The following DGKI variants were observed in gnomAD, a reference collection of about 807,000 sequenced individuals.
DGKI encodes diacylglycerol kinase iota.
A neutral mutation model predicts 147.5 loss-of-function variants in DGKI; 55 were observed. The ratio of observed to expected loss-of-function variants is 0.37; its 90% CI spans 0.30 to 0.47. The LOEUF is 0.47. Among genes scored for constraint, DGKI ranks in the 20% least tolerant of loss-of-function variants. The pLI is 1.00. For missense variants in DGKI, 1,007 were observed against 1,323.8 expected (o/e 0.76, Z 3.71); for synonymous variants, 469 against 477.1 (o/e 0.98, Z 0.22).
chr7:137,617,615 T>C (rs1024321136), intron 8 of DGKI, among the ~76,000 whole-genome samples: 1 of 151,880 alleles, frequency 6.6e-6, no homozygotes, highest in Non-Finnish European at 1.5e-5. Context: ...TCCAGGAAGA[T>C]GGGGTAGATG....
chr7:137,599,132 T>C (rs1819897624), intron 11 of DGKI, among the ~76,000 whole-genome samples: 1 of 152,182 alleles, frequency 6.6e-6, no homozygotes, highest in Admixed American at 6.5e-5. Flanking sequence ...TCCTAGTACA[T>C]GAATTTAAAA....
chr7:137,776,518 A>G (rs371997598), intron 1 of DGKI, among the ~76,000 whole-genome samples: 1 of 152,200 alleles, frequency 6.6e-6, no homozygotes, highest in Non-Finnish European at 1.5e-5. Flanking sequence ...TTATTCATAG[A>G]TGCTTAGAAA....
Position 137,574,559 on chromosome 7 carries a change from G to A in DGKI, c.1762-1721C>T, listed in dbSNP as rs1449676818. On this transcript the variant is annotated intron_variant, in intron 17 of 32. Coordinates refer to ENST00000614521, the MANE Select transcript of DGKI (RefSeq NM_001321708.2). ...TCTACTTTTTCCTTCTGGGAAACAT[G>A]TTAGTGATTCTGGGAACTCATCAAA... Among the ~76,000 whole-genome samples, 6 of 152,148 alleles carry A rather than the reference G, an allele frequency of 3.9e-5. No individual in the cohort carries two copies. In the East Asian group the frequency reaches 1.2e-3, roughly 29 times the overall value.
intron 1 of DGKI, among the ~76,000 whole-genome samples, chr7:137,707,953 T>C (rs1794091915): frequency 6.6e-6 from 1 of 152,158 alleles, no homozygotes; most frequent in South Asian, 2.1e-4. Flanking sequence ...CCTCCAAATC[T>C]CCCCAAATTG....
chr7:137,451,505 C>T (rs1168206949), intron 27 of DGKI, among the ~76,000 whole-genome samples: 1 of 152,078 alleles, frequency 6.6e-6, no homozygotes. Context: ...GATTACAAGG[C>T]TTAAGGGCAC....
At chr7:137,526,539 A>C (rs1430868535) in intron 20 of DGKI, among the ~76,000 whole-genome samples, 1 of 152,056 alleles carries the variant, frequency 6.6e-6, no homozygotes, top group African/African-American at 2.4e-5. Flanking sequence ...AACCATAATA[A>C]GAGCACTTGT....
intron 27 of DGKI, among the ~76,000 whole-genome samples, chr7:137,450,281 C>T (rs1356694111): frequency 2.0e-5 from 3 of 152,154 alleles, no homozygotes; most frequent in Non-Finnish European, 1.5e-5. Context: ...AGAGTAGATG[C>T]TAAGTGCTCT....
chr7:137,609,681 A>G lies in DGKI; in HGVS notation c.994-72T>C, dbSNP rs1386229744. On this transcript the variant is annotated intron_variant, in intron 8 of 32. Coordinates refer to ENST00000614521, the MANE Select transcript of DGKI (RefSeq NM_001321708.2). ...GGAGCTTTCCCATGCAGAACCAAGT[A>G]GAAGATGACGGCAGCGCATGCTGTT... 4.6e-6 allele frequency: 5 copies of G among 1,075,844 alleles called. No homozygotes were observed. The Admixed American group carries it at 7.3e-5, about 16-fold the overall frequency. 66.6% of individuals were successfully genotyped at this position (1,075,844 alleles called of 1,614,324 possible).
At chr7:137,723,464 C>G (rs1421919250) in intron 1 of DGKI, among the ~76,000 whole-genome samples, 2 of 152,000 alleles carry the variant, frequency 1.3e-5, no homozygotes, top group African/African-American at 4.8e-5. Flanking sequence ...ATTCAGTCAG[C>G]TAGTATTTAT....
chr7:137,610,836 G>A (rs111551446), intron 8 of DGKI, among the ~76,000 whole-genome samples: 47 of 151,948 alleles, frequency 3.1e-4, no homozygotes, highest in African/African-American at 1.1e-3. Context: ...TTGGATTTGG[G>A]AAAAAAAATA....
intron 21 of DGKI, among the ~76,000 whole-genome samples, chr7:137,498,031 G>C (rs1200889813): frequency 1.3e-4 from 20 of 151,956 alleles, no homozygotes; most frequent in Admixed American, 1.2e-3. Context: ...TATCCTCAGG[G>C]AGTTGAGAGA....
chr7:137,803,228 A>G (rs2116969225), intron 1 of DGKI, among the ~76,000 whole-genome samples: 1 of 152,280 alleles, frequency 6.6e-6, no homozygotes, highest in South Asian at 2.1e-4. Context: ...CACAGTGAGG[A>G]GACCAGTTTT....
At chr7:137,649,773 GTA>G (rs146209874) in intron 5 of DGKI, among the ~76,000 whole-genome samples, 159 of 141,922 alleles carry the variant, frequency 1.1e-3, no homozygotes, top group Middle Eastern at 3.8e-3. Flanking sequence ...ATATATATAT[GTA>G]TATATATATA....
chr7:137,648,648 G>A (rs199565349), intron 5 of DGKI, among the ~76,000 whole-genome samples: 7 of 152,200 alleles, frequency 4.6e-5, no homozygotes, highest in African/African-American at 9.7e-5. Context: ...AGATTTCGTC[G>A]TGCTACTCAG....
intron 21 of DGKI, among the ~76,000 whole-genome samples, chr7:137,507,773 T>C (rs532034272): frequency 6.6e-6 from 1 of 152,208 alleles, no homozygotes; most frequent in South Asian, 2.1e-4. Context: ...GGGGAGTACA[T>C]GAAAACATCC....
intron 1 of DGKI, among the ~76,000 whole-genome samples, chr7:137,751,598 T>C (rs1795491821): frequency 6.6e-6 from 1 of 152,236 alleles, no homozygotes; most frequent in Non-Finnish European, 1.5e-5. Context: ...ACTAGCACTT[T>C]CTAAAGCATT....
At chr7:137,613,846 A>C (rs188652678) in intron 8 of DGKI, among the ~76,000 whole-genome samples, 1 of 152,304 alleles carries the variant, frequency 6.6e-6, no homozygotes, top group East Asian at 1.9e-4. Flanking sequence ...GTTTTAAAGC[A>C]TTATGTGAAG....
At chr7:137,828,429 CT>C (rs34587515) in intron 1 of DGKI, among the ~76,000 whole-genome samples, 3 of 151,944 alleles carry the variant, frequency 2.0e-5, no homozygotes, top group Admixed American at 6.6e-5. Context: ...CCCAGTGATG[CT>C]TTTTTTTAAG....
intron 20 of DGKI, among the ~76,000 whole-genome samples, chr7:137,525,733 CTAT>C (rs2128954694): frequency 6.6e-6 from 1 of 152,262 alleles, no homozygotes; most frequent in East Asian, 1.9e-4. Flanking sequence ...TAGATTTTAG[CTAT>C]TATCATTATA....
Sources: gnomAD v4.1 joint callset for allele counts (sites outside exome capture counted in the v4.1 genomes callset) on GRCh38, gnomAD v4.1.1 for gene constraint, MANE v1.5 for transcripts, NCBI Gene and HGNC (gene_info 2026-07-23, HGNC 2026-07-21) for gene names.